Variants in RPS15A observed in about 807,000 individuals in gnomAD.
RPS15A encodes ribosomal protein S15a, also known as small ribosomal subunit protein uS8.
For missense variants in RPS15A, 62 were observed against 163.4 expected, an observed-to-expected ratio of 0.38 and a Z score of 3.38; for synonymous variants, 55 against 58.5, an observed-to-expected ratio of 0.94 and a Z score of 0.27.
In RPS15A at chr16:18,783,050, G is replaced by T; in HGVS notation, c.352C>A (p.Arg118=). 1.9e-6 allele frequency: 3 copies of T among 1,605,390 alleles called. No homozygotes were observed. The highest frequency in any genetic ancestry group is 2.5e-6 in the Non-Finnish European group (3 of 1,176,694). The change falls in exon 5 of 5, where the codon CGA becomes AGA. Residue 118 remains arginine (R), a synonymous_variant. Coordinates refer to ENST00000322989, the MANE Select transcript of RPS15A (RefSeq NM_001019.5). The part of the protein sequence containing the change: ...AGIMDHEEAR[R]KHTGGKILGF... The stretch of plus-strand genomic sequence containing the variant: ...AGGATTTTCCCTCCTGTGTGTTTTC[G>T]TCTTGCTTCTTCATGGTCCATGATG...
intron 3 of RPS15A, chr16:18,785,689 CCTA>C (rs1269173334): frequency 1.3e-5 from 2 of 152,244 alleles, no homozygotes; most frequent in African/African-American, 4.8e-5. Context: ...CTTAAGTTCT[CCTA>C]CTATTACCCC....
intron 3 of RPS15A, chr16:18,785,052 A>G (rs1904025292): frequency 2.1e-6 from 1 of 467,628 alleles, no homozygotes; most frequent in Non-Finnish European, 3.8e-6. Context: ...AGATGGAACA[A>G]GGCAATACAT....
rs1473544332 is a variant in RPS15A at position 18,781,825 on chromosome 16, C to G, written c.*1184G>C. 2 of 151,872 alleles carry G rather than the reference C, an allele frequency of 1.3e-5. No homozygotes were observed. Among genetic ancestry groups the G allele is most frequent in the Admixed American group, 6.6e-5 (1 of 15,236 alleles). 9.4% of individuals were successfully genotyped at this position (151,872 alleles called of 1,614,324 possible). ...CAGGCCCTCCTTTCAGGAAGCTGATCCATGCCCCTTAATAAGGTAGCTTCT... is the reference window on the plus strand; with the variant it reads ...CAGGCCCTCCTTTCAGGAAGCTGATGCATGCCCCTTAATAAGGTAGCTTCT... On this transcript the variant is annotated 3_prime_UTR_variant, in exon 5 of 5. Coordinates refer to ENST00000322989, the MANE Select transcript of RPS15A (RefSeq NM_001019.5).
intron 3 of RPS15A, among the ~76,000 whole-genome samples, chr16:18,787,848 A>G (rs1405780429): frequency 6.6e-6 from 1 of 152,110 alleles, no homozygotes; most frequent in Non-Finnish European, 1.5e-5. Flanking sequence ...GACAGCTTAT[A>G]CCCCATAAAA....
chr16:18,783,226 A>T, intron 4 of RPS15A, 124 bp from the exon 5 acceptor site: 1 of 633,066 alleles, frequency 1.6e-6, no homozygotes, highest in Non-Finnish European at 2.8e-6. Flanking sequence ...ATAGGAACTG[A>T]CAGTGCCTAC....
intron 2 of RPS15A, 64 bp downstream of exon 2, chr16:18,788,917 C>T (rs188039750): frequency 9.7e-6 from 15 of 1,546,386 alleles, no homozygotes; most frequent in Non-Finnish European, 1.3e-5. Context: ...TAATTAATTT[C>T]TACAGGACTG....
chr16:18,784,935 G>T, intron 3 of RPS15A, 112 bp from the exon 4 acceptor site: 1 of 758,358 alleles, frequency 1.3e-6, no homozygotes, highest in Non-Finnish European at 2.2e-6. Flanking sequence ...AACCAACCCA[G>T]CATTCAGATG....
rs1904024057 is a variant in RPS15A, at chr16:18,784,982, C to T, written c.214-159G>A. The T allele has an allele frequency of 4.6e-5, 26 of 559,272 alleles. 1 individual carries two copies. In the South Asian group the frequency reaches 5.5e-4, roughly 12 times the overall value. The allele number at this position is 559,272 out of a possible 1,614,324, so 34.6% of individuals were successfully genotyped here. On this transcript the variant is annotated intron_variant, in intron 3 of 4. Coordinates refer to ENST00000322989, the MANE Select transcript of RPS15A (RefSeq NM_001019.5). ...TGTGCACAATGCTTGACATACTTTT[C>T]AAAAAATACACCTAAGTAAGACTAC...
chr16:18,786,338 T>A (rs377167397), intron 3 of RPS15A: 14 of 162,830 alleles, frequency 8.6e-5, no homozygotes, highest in African/African-American at 3.1e-4. Context: ...CACTCCAACC[T>A]GGGTGAGAGT....
Position 18,782,488 on chromosome 16 carries a change from C to G in RPS15A, c.*521G>C, listed in dbSNP as rs1206591433. Reference sequence around the variant, plus strand: ...CTGTAATCCCAGCACTTCGGGAGGCCGAGGTAGGCTGATCACTTGAGGCCC... The same window carrying G: ...CTGTAATCCCAGCACTTCGGGAGGCGGAGGTAGGCTGATCACTTGAGGCCC... On this transcript the variant is annotated 3_prime_UTR_variant, in exon 5 of 5. Coordinates refer to ENST00000322989, the MANE Select transcript of RPS15A (RefSeq NM_001019.5). The G allele has an allele frequency of 6.6e-6, 1 of 152,216 alleles. No individual in the cohort carries two copies. Among genetic ancestry groups the G allele is most frequent in the East Asian group, 1.9e-4 (1 of 5,164 alleles). The allele number at this position is 152,216 out of a possible 1,614,324, so 9.4% of individuals were successfully genotyped here.
At chr16:18,788,878 A>G (rs1021933938) in intron 2 of RPS15A, 103 bp downstream of exon 2, 33 of 1,214,662 alleles carry the variant, frequency 2.7e-5, no homozygotes, top group Non-Finnish European at 3.5e-5. Flanking sequence ...ATTCGTTCTC[A>G]GGTATGACAG....
intron 2 of RPS15A, 101 bp from the exon 3 acceptor site, chr16:18,788,243 T>C (rs2029932080): frequency 2.7e-6 from 2 of 747,264 alleles, no homozygotes; most frequent in East Asian, 5.0e-5. Context: ...ATCACCTCAG[T>C]GACTGCTTCT....
intron 2 of RPS15A, 123 bp downstream of exon 2, chr16:18,788,858 G>T: frequency 9.9e-7 from 1 of 1,015,160 alleles, no homozygotes; most frequent in Non-Finnish European, 1.5e-6. Context: ...ACAGCCCACA[G>T]GTCAATTGCA....
At chr16:18,789,966 GCC>G (rs2029996353) in intron 1 of RPS15A, 1 of 152,526 alleles carries the variant, frequency 6.6e-6, no homozygotes, top group Admixed American at 6.5e-5. Flanking sequence ...CGGCCCACCA[GCC>G]CCGATGTTGC....
intron 3 of RPS15A, among the ~76,000 whole-genome samples, chr16:18,786,986 T>C (rs1362270213): frequency 6.6e-6 from 1 of 152,140 alleles, no homozygotes; most frequent in Non-Finnish European, 1.5e-5. Flanking sequence ...TGCCTCAGTC[T>C]CCGGAGTACC....
intron 1 of RPS15A, 80 bp downstream of exon 1, chr16:18,790,164 A>G (rs746889680): frequency 6.6e-6 from 1 of 152,298 alleles, no homozygotes; most frequent in Non-Finnish European, 1.5e-5. Flanking sequence ...GCTCTCCTCT[A>G]TGCCTGTCCA....
In RPS15A at chr16:18,782,718, T is replaced by C. The variant is rs1903984298; in HGVS notation, c.*291A>G. On this transcript the variant is annotated 3_prime_UTR_variant, in exon 5 of 5. Coordinates refer to ENST00000322989, the MANE Select transcript of RPS15A (RefSeq NM_001019.5). The stretch of plus-strand genomic sequence containing the variant: ...GCCTGAGCAATAGAGTCAGACTCTG[T>C]CTCCAAAAAAGAAAAAAAAAAAAAA... The C allele has an allele frequency of 1.4e-5, 3 of 216,500 alleles. No individual in the cohort carries two copies. The highest frequency in any genetic ancestry group is 5.3e-5 in the African/African-American group (2 of 37,472). The allele number at this position is 216,500 out of a possible 1,614,324, so 13.4% of individuals were successfully genotyped here.
At position 18,784,719 on chromosome 16, in the gene RPS15A, T is replaced by C. The variant is rs534859889; in HGVS notation, c.299+19A>G. 6.4e-7 allele frequency: 1 copy of C among 1,574,516 alleles called. No homozygotes were observed. Among genetic ancestry groups the C allele is most frequent in the African/African-American group, 1.4e-5 (1 of 72,884 alleles). On this transcript the variant is annotated intron_variant, in intron 4 of 4. Coordinates refer to ENST00000322989, the MANE Select transcript of RPS15A (RefSeq NM_001019.5). The stretch of plus-strand genomic sequence containing the variant: ...ATTCTTAGCATTAACTTCTTTTAAT[T>C]AAGGAAAGGCCAACTTACCCAAACT...
Position 18,789,150 on chromosome 16 carries a change from C to G in RPS15A, c.-5-32G>C, listed in dbSNP as rs375513619. The G allele has an allele frequency of 2.5e-6, 4 of 1,589,416 alleles. No individual in the cohort carries two copies. The South Asian group carries it at 3.4e-5, about 14-fold the overall frequency. On this transcript the variant is annotated intron_variant, in intron 1 of 4. Transcript: ENST00000322989. The stretch of plus-strand genomic sequence containing the variant: ...AAGGAAGACAAAACAGGAGGTTTTA[C>G]TGGCATTGCCAACATCAACAGACAC...
Sources: gnomAD v4.1 joint callset for allele counts (sites outside exome capture counted in the v4.1 genomes callset) on GRCh38, gnomAD v4.1.1 for gene constraint, MANE v1.5 for transcripts, NCBI Gene and HGNC (gene_info 2026-07-23, HGNC 2026-07-21) for gene names.